The following DENND1A variants were observed in gnomAD, a reference collection of about 807,000 sequenced individuals.
The protein encoded by DENND1A is DENN domain-containing protein 1A.
A neutral mutation model predicts 113.7 loss-of-function variants in DENND1A; 51 were observed. That is an observed-to-expected ratio of 0.45 (90% CI 0.36 to 0.57). DENND1A has a LOEUF of 0.57. Ranked by LOEUF, DENND1A falls within the 20% of genes least tolerant of loss-of-function variation. The probability of loss-of-function intolerance (pLI) is 0.00; values close to 1 mark genes in which losing one functional copy is unlikely to be tolerated. For synonymous variants in DENND1A, 565 were observed against 570.8 expected (o/e 0.99, Z 0.14); for missense variants, 1,258 against 1,395.9 (o/e 0.90, Z 1.57).
At position 123,419,952 on chromosome 9, in the gene DENND1A, C is replaced by T. The variant is rs116671249; in HGVS notation, c.1489-8123G>A. Among the ~76,000 whole-genome samples the T allele has an allele frequency of 7.6e-3, 1,158 of 152,322 alleles. 15 individuals are homozygous for T. The highest frequency in any genetic ancestry group is 0.026 in the African/African-American group (1,096 of 41,580). ...TGGAGAAGACCAGGCCCTGGTGTCA[C>T]GTAGCGTACAGCATGCTCCTTGCCT... On this transcript the variant is annotated intron_variant, in intron 19 of 23. Coordinates refer to ENST00000394215, the MANE Select transcript of DENND1A (RefSeq NM_001352964.2).
intron 19 of DENND1A, among the ~76,000 whole-genome samples, chr9:123,435,553 C>A (rs760226583): frequency 3.0e-4 from 45 of 152,256 alleles, no homozygotes; most frequent in Non-Finnish European, 5.4e-4. Context: ...CCTTTCAATA[C>A]ATGCTTTTTG....
chr9:123,420,733 G>A (rs528446936), intron 19 of DENND1A, among the ~76,000 whole-genome samples: 10 of 152,204 alleles, frequency 6.6e-5, no homozygotes, highest in Non-Finnish European at 1.5e-5. Flanking sequence ...CAAGATCCCT[G>A]ATTACTTCCC....
chr9:123,408,577 G>A (rs757839204), intron 20 of DENND1A, among the ~76,000 whole-genome samples: 1 of 152,152 alleles, frequency 6.6e-6, no homozygotes, highest in Non-Finnish European at 1.5e-5. Flanking sequence ...ATTCAAACCA[G>A]GGCAGGCCTC....
In DENND1A at chr9:123,444,249, T is replaced by G. The variant is rs77096997; in HGVS notation, c.1357-3758A>C. 5.8e-3 allele frequency among the ~76,000 whole-genome samples: 891 copies of G among 152,376 alleles called. 37 individuals carry two copies. The East Asian group carries it at 0.13, about 22-fold the overall frequency. On this transcript the variant is annotated intron_variant, in intron 18 of 23. Transcript: ENST00000394215. ...TCCTAATGAAATAATATGAATTTCTTCTAAGTCTTACCTATGTGGATATTT... is the reference window on the plus strand; with the variant it reads ...TCCTAATGAAATAATATGAATTTCTGCTAAGTCTTACCTATGTGGATATTT...
chr9:123,473,986 CTTTTTTTTTTTTTT>C lies in DENND1A; in HGVS notation c.994-16103_994-16090del, dbSNP rs5900577. ...AAATGGGGTAACGTTTACTTTCTTT[CTTTTTTTTTTTTTT>C]TTTTTTTTTTTTGAGATGGAGTCTC... is the stretch of plus-strand genomic sequence containing the variant. On this transcript the variant is annotated intron_variant, in intron 13 of 23. Transcript: ENST00000394215. 9.9e-5 allele frequency among the ~76,000 whole-genome samples: 7 copies of C among 70,710 alleles called. No individual in the cohort carries two copies. In the South Asian group the frequency reaches 2.1e-3, roughly 21 times the overall value. The allele number at this position is 70,710 out of a possible 152,430, so 46.4% of individuals were successfully genotyped here.
intron 2 of DENND1A, among the ~76,000 whole-genome samples, chr9:123,842,674 G>C (rs936843027): frequency 3.3e-5 from 5 of 152,086 alleles, no homozygotes; most frequent in Non-Finnish European, 7.4e-5. Context: ...GACTTTACTG[G>C]AGAATTCTAC....
Position 123,820,720 on chromosome 9 carries a change from T to C in DENND1A, c.89-28090A>G, listed in dbSNP as rs536096933. 9.2e-5 allele frequency among the ~76,000 whole-genome samples: 14 copies of C among 152,380 alleles called. No homozygotes were observed. In the South Asian group the frequency reaches 2.3e-3, roughly 25 times the overall value. On this transcript the variant is annotated intron_variant, in intron 2 of 23. Transcript: ENST00000394215. The stretch of plus-strand genomic sequence containing the variant: ...TTTTATTGTTATTTCCCATATCTTA[T>C]ATGTGATCATCTTTTGTAGGATTAA...
At chr9:123,552,018 C>CA (rs2057088260) in intron 13 of DENND1A, among the ~76,000 whole-genome samples, 2 of 118,658 alleles carry the variant, frequency 1.7e-5, no homozygotes, top group African/African-American at 6.4e-5. Context: ...AGAGCGAGAG[C>CA]GAGAGAGAGA....
chr9:123,820,952 G>C (rs573163877), intron 2 of DENND1A, among the ~76,000 whole-genome samples: 1 of 151,938 alleles, frequency 6.6e-6, no homozygotes, highest in Non-Finnish European at 1.5e-5. Flanking sequence ...TTCATATTTG[G>C]GTTACAACTT....
At chr9:123,408,700 T>C (rs2044076516) in intron 20 of DENND1A, among the ~76,000 whole-genome samples, 1 of 152,132 alleles carries the variant, frequency 6.6e-6, no homozygotes, top group South Asian at 2.1e-4. Flanking sequence ...CCTCCTGCAT[T>C]AGCTCAGCGC....
chr9:123,828,761 A>G (rs1839760857), intron 2 of DENND1A, among the ~76,000 whole-genome samples: 1 of 152,118 alleles, frequency 6.6e-6, no homozygotes, highest in South Asian at 2.1e-4. Context: ...ATCCTGAAAG[A>G]AAATAAATGC....
At position 123,698,475 on chromosome 9, in the gene DENND1A, C is replaced by T. The variant is rs770841654; in HGVS notation, c.303-21686G>A. On this transcript the variant is annotated intron_variant, in intron 5 of 23. Transcript: ENST00000394215. ...ATTAGGCAATACTACCTCTTTAGGG[C>T]ATCTTACTTGGAGACAAAGCTCTAA... 3.9e-4 allele frequency among the ~76,000 whole-genome samples: 59 copies of T among 152,200 alleles called. 1 individual carries two copies. The highest frequency in any genetic ancestry group is 3.9e-3 in the Admixed American group (59 of 15,266).
At chr9:123,675,513 C>A (rs2064023302) in intron 6 of DENND1A, among the ~76,000 whole-genome samples, 2 of 152,084 alleles carry the variant, frequency 1.3e-5, no homozygotes, top group Non-Finnish European at 2.9e-5. Flanking sequence ...ACTCAAATTG[C>A]TCAGAACGTT....
At chr9:123,928,425 A>G (rs1446501183) in intron 1 of DENND1A, among the ~76,000 whole-genome samples, 1 of 152,244 alleles carries the variant, frequency 6.6e-6, no homozygotes, top group African/African-American at 2.4e-5. Flanking sequence ...CTTACTTGGA[A>G]GCAGGAGCTA....
At chr9:123,762,055 G>A (rs2071086445) in intron 4 of DENND1A, among the ~76,000 whole-genome samples, 1 of 152,126 alleles carries the variant, frequency 6.6e-6, no homozygotes, top group African/African-American at 2.4e-5. Flanking sequence ...AAGGTTATCA[G>A]GACTAGGACA....
At chr9:123,607,618 T>C (rs2060232948) in intron 11 of DENND1A, among the ~76,000 whole-genome samples, 1 of 141,206 alleles carries the variant, frequency 7.1e-6, no homozygotes, top group South Asian at 2.5e-4. Flanking sequence ...GGGGGAGACA[T>C]CCGTAGTACA....
chr9:123,450,043 G>GAAAAAAAAAAAAAAAAA (rs112846577), intron 18 of DENND1A, among the ~76,000 whole-genome samples: 1 of 119,732 alleles, frequency 8.4e-6, no homozygotes, highest in African/African-American at 3.0e-5. Flanking sequence ...GATAAAAAAA[G>GAAAAAAAAAAAAAAAAA]AAAAAAAAAA....
At chr9:123,602,837 T>A (rs2059992035) in intron 11 of DENND1A, among the ~76,000 whole-genome samples, 1 of 152,132 alleles carries the variant, frequency 6.6e-6, no homozygotes, top group African/African-American at 2.4e-5. Flanking sequence ...ACCTGGCTAG[T>A]TTTGTTGTTG....
At chr9:123,390,763 G>A (rs1364128092) in intron 21 of DENND1A, among the ~76,000 whole-genome samples, 1 of 152,280 alleles carries the variant, frequency 6.6e-6, no homozygotes, top group African/African-American at 2.4e-5. Flanking sequence ...CCTCTCCTGT[G>A]AGCGGGGCTC....
Sources: allele counts gnomAD v4.1 joint callset (sites outside exome capture counted in the v4.1 genomes callset), GRCh38; gene constraint gnomAD v4.1.1; transcripts MANE v1.5; gene names NCBI Gene and HGNC (gene_info 2026-07-23, HGNC 2026-07-21).